FBXO47: variants seen among roughly 807,000 people sequenced by gnomAD.
FBXO47 encodes the protein F-box only protein 47.
Under a neutral mutation model 53.9 loss-of-function variants are expected in FBXO47, and 34 were observed. The observed-to-expected ratio is 0.63, with a 90% CI of 0.48 to 0.84. The LOEUF (loss-of-function observed/expected upper bound fraction) is 0.84, where lower values mean the gene tolerates loss of function less well. Among genes scored for constraint, FBXO47 ranks in the 40% least tolerant of loss-of-function variants. The pLI, the probability that FBXO47 is intolerant of heterozygous loss-of-function variation, is 0.00. For synonymous variants in FBXO47, 165 were observed against 181.6 expected (o/e 0.91, Z 0.73); for missense variants, 485 against 541.3 (o/e 0.90, Z 1.03).
At position 38,954,850 on chromosome 17, in the gene FBXO47, AT is replaced by A; in HGVS notation, c.507+5del. ...CCCTTTTCTTCTCTGATTAAAAAAAATGTACCTGTAAAAACATGCCATAACA... is the reference window on the plus strand; with the variant it reads ...CCCTTTTCTTCTCTGATTAAAAAAAAGTACCTGTAAAAACATGCCATAACA... On this transcript the variant is annotated splice_donor_5th_base_variant and intron_variant, in intron 5 of 10. Transcript: ENST00000378079. 4 of 1,582,482 alleles carry A rather than the reference AT, an allele frequency of 2.5e-6. No homozygotes were observed. The highest frequency in any genetic ancestry group is 2.6e-6 in the Non-Finnish European group (3 of 1,158,308).
At chr17:38,953,024 C>A (rs990365788) in intron 5 of FBXO47, among the ~76,000 whole-genome samples, 2 of 151,238 alleles carry the variant, frequency 1.3e-5, no homozygotes, top group East Asian at 3.9e-4. Context: ...TGCCTGTAAT[C>A]CTAGCACTTT....
intron 9 of FBXO47, among the ~76,000 whole-genome samples, chr17:38,940,049 T>C (rs1002618296): frequency 6.6e-6 from 1 of 152,004 alleles, no homozygotes; most frequent in Non-Finnish European, 1.5e-5. Flanking sequence ...ATAAACTGTA[T>C]AGTAGTGTAA....
intron 1 of FBXO47, among the ~76,000 whole-genome samples, chr17:38,967,010 A>G (rs1418873411): frequency 6.6e-6 from 1 of 151,576 alleles, no homozygotes; most frequent in African/African-American, 2.4e-5. Flanking sequence ...AACTACATTC[A>G]CAGGGATGTC....
rs1254021375 is a variant in FBXO47, at chr17:38,938,587, T to C, written c.1229A>G (p.Gln410Arg). 1.2e-6 allele frequency: 2 copies of C among 1,611,618 alleles called. No individual in the cohort carries two copies. Among genetic ancestry groups the C allele is most frequent in the Admixed American group, 3.3e-5 (2 of 59,988 alleles). ...AFACVIMEML[Q>R]SIMSGDRDED... is the part of the protein sequence containing the mutation. ...TTCCTACTCACCAGACATAATTGATTGCAGCATTTCCATTATAACACATGC... is the reference window on the plus strand; with the variant it reads ...TTCCTACTCACCAGACATAATTGATCGCAGCATTTCCATTATAACACATGC... Residue 410 changes from glutamine (Q) to arginine (R), a missense_variant, in exon 10 of 11, where the codon CAA becomes CGA. Gln to Arg is a conservative substitution (Grantham distance 43). Transcript: ENST00000378079.
intron 4 of FBXO47, 71 bp downstream of exon 4, chr17:38,957,106 A>G: frequency 1.0e-6 from 1 of 1,003,386 alleles, no homozygotes; most frequent in South Asian, 1.4e-5. Context: ...GAGTAAAATG[A>G]GCATAAGATA....
rs1254157825 is a variant in FBXO47 at position 38,938,674 on chromosome 17, C to A, written c.1142G>T (p.Cys381Phe). 1 of 1,613,402 alleles carries A rather than the reference C, an allele frequency of 6.2e-7. No homozygotes were observed. Among genetic ancestry groups the A allele is most frequent in the South Asian group, 1.1e-5 (1 of 91,058 alleles). The part of the protein sequence containing the change: ...DWTVKMMQKV[C>F]KVFSTPVERK... ...TTCCACTGGAGTGCTAAAGACTTTG[C>A]AGACTTTTTGCATCATTTTAACTGT... The change falls in exon 10 of 11, where the codon TGC becomes TTC. Residue 381 changes from cysteine to phenylalanine, a missense_variant. Physicochemically the swap from Cys to Phe is radical, Grantham distance 205. Coordinates refer to ENST00000378079, the MANE Select transcript of FBXO47 (RefSeq NM_001008777.3).
intron 3 of FBXO47, among the ~76,000 whole-genome samples, chr17:38,958,968 A>C (rs1469119569): frequency 2.0e-5 from 3 of 152,268 alleles, no homozygotes; most frequent in African/African-American, 7.2e-5. Context: ...AAGGAATTCC[A>C]GGCATTAATT....
chr17:38,941,199 T>C (rs1456178247), intron 9 of FBXO47, among the ~76,000 whole-genome samples: 1 of 151,566 alleles, frequency 6.6e-6, no homozygotes, highest in African/African-American at 2.4e-5. Context: ...TGAGACAGCA[T>C]CTCACTCTGT....
chr17:38,945,018 T>C lies in FBXO47; in HGVS notation c.735A>G (p.Pro245=). 1 of 1,614,072 alleles carries C rather than the reference T, an allele frequency of 6.2e-7. No individual in the cohort carries two copies. The highest frequency in any genetic ancestry group is 8.5e-7 in the Non-Finnish European group (1 of 1,179,990). Residue 245 remains proline, a synonymous_variant, in exon 7 of 11, where the codon CCA becomes CCG. Coordinates refer to ENST00000378079, the MANE Select transcript of FBXO47 (RefSeq NM_001008777.3). Reference sequence around the variant, plus strand: ...ACAGTAATCTTGCCTGATTCACCATTGGCCATGGTTTTAATATTCGCGTCA... The same window carrying C: ...ACAGTAATCTTGCCTGATTCACCATCGGCCATGGTTTTAATATTCGCGTCA... ...FWLTRILKPW[P]MVNQARLLYI... is the part of the protein sequence containing the mutation.
chr17:38,939,600 TATTTA>T (rs1303600526), intron 9 of FBXO47, among the ~76,000 whole-genome samples: 1 of 149,072 alleles, frequency 6.7e-6, no homozygotes, highest in Admixed American at 6.7e-5. Context: ...AAAAGATAAA[TATTTA>T]AAGATTACAT....
At chr17:38,937,344 A>C (rs1323808225) in intron 10 of FBXO47, 54 bp from the exon 11 acceptor site, 1 of 629,542 alleles carries the variant, frequency 1.6e-6, no homozygotes, top group Non-Finnish European at 2.6e-6. Context: ...TGTTAAGTAT[A>C]TAATTTATTT....
chr17:38,952,200 C>T (rs1905329620), intron 5 of FBXO47, among the ~76,000 whole-genome samples: 1 of 152,032 alleles, frequency 6.6e-6, no homozygotes, highest in Non-Finnish European at 1.5e-5. Context: ...GTGGCACGCA[C>T]ATGTAGTCCC....
intron 3 of FBXO47, among the ~76,000 whole-genome samples, chr17:38,958,384 AAATATCCATCT>A (rs1905657942): frequency 6.6e-6 from 1 of 152,094 alleles, no homozygotes; most frequent in Non-Finnish European, 1.5e-5. Flanking sequence ...AGTTAGGATG[AAATATCCATCT>A]CTTCCTTCTA....
intron 7 of FBXO47, among the ~76,000 whole-genome samples, chr17:38,944,627 G>A (rs902487238): frequency 3.3e-5 from 5 of 151,002 alleles, no homozygotes; most frequent in East Asian, 2.0e-4. Flanking sequence ...GTGTGAACCC[G>A]GGAATTGGAG....
rs149915799 is a variant in FBXO47, at chr17:38,965,110, A to G, written c.-26-2059T>C. On this transcript the variant is annotated intron_variant, in intron 1 of 10. Coordinates refer to ENST00000378079, the MANE Select transcript of FBXO47 (RefSeq NM_001008777.3). ...GGTGAGCCACCAGCCTCAGCCTCCC[A>G]AAGTGCTGGGATTACAGGCGAAAGC... is the stretch of plus-strand genomic sequence containing the variant. Among the ~76,000 whole-genome samples, 710 of 152,318 alleles carry G rather than the reference A, an allele frequency of 4.7e-3. 32 individuals are homozygous for G. In the East Asian group the frequency reaches 0.096, roughly 21 times the overall value.
chr17:38,958,645 G>A (rs1286151277), intron 3 of FBXO47, among the ~76,000 whole-genome samples: 1 of 151,910 alleles, frequency 6.6e-6, no homozygotes, highest in East Asian at 1.9e-4. Flanking sequence ...AAGATATATG[G>A]TAGGAAAATA....
At position 38,942,764 on chromosome 17, in the gene FBXO47, T is replaced by G. The variant is rs371460667; in HGVS notation, c.1083+14A>C. Reference sequence around the variant, plus strand: ...GTTAAAAAACTTGCTAGAGAAAAACTTATTTTTACTTACCAAAGCCAAAAA... The same window carrying G: ...GTTAAAAAACTTGCTAGAGAAAAACGTATTTTTACTTACCAAAGCCAAAAA... On this transcript the variant is annotated intron_variant, in intron 9 of 10. Coordinates refer to ENST00000378079, the MANE Select transcript of FBXO47 (RefSeq NM_001008777.3). 55 of 1,599,294 alleles carry G rather than the reference T, an allele frequency of 3.4e-5. No homozygotes were observed. Among genetic ancestry groups the G allele is most frequent in the Admixed American group, 9.0e-5 (5 of 55,284 alleles).
At chr17:38,962,550 G>A (rs1905862916) in intron 2 of FBXO47, among the ~76,000 whole-genome samples, 2 of 151,188 alleles carry the variant, frequency 1.3e-5, no homozygotes, top group South Asian at 4.2e-4. Flanking sequence ...AGGTTGCGGT[G>A]AGCCGAGATT....
chr17:38,960,621 A>G (rs1905773518), intron 3 of FBXO47, among the ~76,000 whole-genome samples: 1 of 150,364 alleles, frequency 6.7e-6, no homozygotes, highest in South Asian at 2.1e-4. Context: ...ATTAAAAATA[A>G]TTCTTTCTCT....
Sources: gnomAD v4.1 joint callset for allele counts (sites outside exome capture counted in the v4.1 genomes callset) on GRCh38, gnomAD v4.1.1 for gene constraint, MANE v1.5 for transcripts, NCBI Gene and HGNC (gene_info 2026-07-23, HGNC 2026-07-21) for gene names.